LPIN1: variants seen among roughly 807,000 people sequenced by gnomAD.
LPIN1 encodes phosphatidate phosphatase LPIN1.
A neutral mutation model predicts 107.5 loss-of-function variants in LPIN1; 71 were observed. The ratio of observed to expected loss-of-function variants is 0.66; its 90% CI spans 0.55 to 0.80. The LOEUF (loss-of-function observed/expected upper bound fraction) is 0.80. LPIN1 is among the 30% of genes least tolerant of loss of function. The pLI is 0.00. For synonymous variants in LPIN1, 445 were observed against 452.6 expected (o/e 0.98, Z 0.21); for missense variants, 1,043 against 1,160.6 (o/e 0.90, Z 1.47).
intron 1 of LPIN1, among the ~76,000 whole-genome samples, chr2:11,763,538 C>A (rs1261048298): frequency 6.6e-6 from 1 of 152,192 alleles, no homozygotes; most frequent in Non-Finnish European, 1.5e-5. Flanking sequence ...ACCTCCTTTC[C>A]AGGCGGGGAA....
In LPIN1 at chr2:11,824,785, A is replaced by G. The variant is rs148940440; in HGVS notation, c.2775A>G (p.Ser925=). The G allele has an allele frequency of 1.1e-5, 17 of 1,614,104 alleles. No homozygotes were observed. Among genetic ancestry groups the G allele is most frequent in the Non-Finnish European group, 1.4e-5 (17 of 1,180,046 alleles). ...PFENQDIHSA[S]A ...AAAACCAGGACATTCATTCTGCCTC[A>G]GCGTAAAATGTCCCAAGCAGCCTCT... Residue 925 remains serine, a synonymous_variant, in exon 21 of 21, where the codon TCA becomes TCG. Coordinates refer to ENST00000674199, the MANE Select transcript of LPIN1 (RefSeq NM_001349206.2).
At chr2:11,686,641 G>A (rs1208857707) in intron 1 of LPIN1, among the ~76,000 whole-genome samples, 2 of 152,232 alleles carry the variant, frequency 1.3e-5, no homozygotes, top group African/African-American at 2.4e-5. Context: ...ACACACCCGC[G>A]GGAAAGAGCA....
chr2:11,681,045 C>A (rs900011105), intron 1 of LPIN1, among the ~76,000 whole-genome samples: 3 of 152,188 alleles, frequency 2.0e-5, no homozygotes, highest in East Asian at 3.8e-4. Flanking sequence ...AAGCAGATGG[C>A]CTGTGGTGAC....
chr2:11,706,481 T>C (rs1233882150), intron 1 of LPIN1, among the ~76,000 whole-genome samples: 2 of 152,240 alleles, frequency 1.3e-5, no homozygotes, highest in South Asian at 2.1e-4. Flanking sequence ...GTGGGCCCAA[T>C]GTCATTAGAT....
At position 11,784,667 on chromosome 2, in the gene LPIN1, C is replaced by T. The variant is rs576134594; in HGVS notation, c.1359-219C>T. ...TTCTTCAGTATATTTTAGGGGGATA[C>T]AGGGAGATGCAGCCAGCTGAGAAGT... On this transcript the variant is annotated intron_variant, in intron 9 of 20. Coordinates refer to ENST00000674199, the MANE Select transcript of LPIN1 (RefSeq NM_001349206.2). The T allele has an allele frequency of 5.6e-5, 35 of 627,230 alleles. No homozygotes were observed. The African/African-American group carries it at 6.0e-4, about 11-fold the overall frequency. 38.9% of individuals were successfully genotyped at this position (627,230 alleles called of 1,614,324 possible).
chr2:11,738,092 G>A (rs1288780876), intron 1 of LPIN1, among the ~76,000 whole-genome samples: 1 of 152,162 alleles, frequency 6.6e-6, no homozygotes, highest in Admixed American at 6.5e-5. Flanking sequence ...GTAGGGGCAT[G>A]GATGAAGCTG....
At chr2:11,719,961 T>C (rs936107791), upstream of LPIN1, among the ~76,000 whole-genome samples, 19 of 152,302 alleles carry the variant, frequency 1.2e-4, no homozygotes, top group Admixed American at 3.9e-4. Flanking sequence ...GAATGGTGCA[T>C]TTTGGTGTAT....
At position 11,771,557 on chromosome 2, in the gene LPIN1, G is replaced by T; in HGVS notation, c.474G>T (p.Arg158Ser). The T allele has an allele frequency of 6.2e-7, 1 of 1,614,056 alleles. No individual in the cohort carries two copies. Among genetic ancestry groups the T allele is most frequent in the South Asian group, 1.1e-5 (1 of 91,046 alleles). The change falls in exon 4 of 21, where the codon AGG (arginine) becomes AGT (serine). Residue 158 changes from arginine (R) to serine (S), a missense_variant. Transcript: ENST00000674199. This position sits in a 1 kb window ranked among gnomAD's most constrained non-coding sequence, Gnocchi z 4.8. ...SSSVVKKRRK[R>S]RRKSQLDSLK... The stretch of plus-strand genomic sequence containing the variant: ...CTGTAGTAAAGAAGAGAAGAAAAAG[G>T]AGGAGAAAGTCACAGCTGGACAGCC...
intron 12 of LPIN1, 58 bp from the exon 13 acceptor site, chr2:11,791,856 A>G: frequency 6.3e-7 from 1 of 1,594,894 alleles, no homozygotes; most frequent in South Asian, 1.1e-5. Flanking sequence ...TTTGGTTTGA[A>G]TGTGCTAAGT....
chr2:11,769,418 G>A lies in LPIN1; in HGVS notation c.288+1560G>A, dbSNP rs117369971. On this transcript the variant is annotated intron_variant, in intron 3 of 20. Transcript: ENST00000674199. ...AGTTTGTGTGTGTGTGTGTATGTGT[G>A]TGTTGTTTTTCTTTTTTACTGCTGC... Among the ~76,000 whole-genome samples, 36 of 152,236 alleles carry A rather than the reference G, an allele frequency of 2.4e-4. No individual in the cohort carries two copies. In the East Asian group the frequency reaches 5.6e-3, roughly 24 times the overall value.
At chr2:11,691,217 G>A (rs952283623) in intron 1 of LPIN1, among the ~76,000 whole-genome samples, 5 of 151,830 alleles carry the variant, frequency 3.3e-5, no homozygotes, top group African/African-American at 1.2e-4. Flanking sequence ...CCCAGGTCCG[G>A]GGGCACAGTC....
At chr2:11,718,060 T>C (rs540506076) in intron 2 of LPIN1, among the ~76,000 whole-genome samples, 1 of 152,254 alleles carries the variant, frequency 6.6e-6, no homozygotes, top group South Asian at 2.1e-4. Context: ...CCAGGAGATC[T>C]CTCTCTTCCT....
chr2:11,809,859 CGGG>C (rs1027102117), intron 17 of LPIN1, among the ~76,000 whole-genome samples: 3 of 152,286 alleles, frequency 2.0e-5, no homozygotes, highest in African/African-American at 7.2e-5. Flanking sequence ...GATCAGGAGT[CGGG>C]CCAGGATCCC....
intron 1 of LPIN1, among the ~76,000 whole-genome samples, chr2:11,691,862 T>C (rs770841444): frequency 3.3e-5 from 5 of 152,244 alleles, no homozygotes; most frequent in Non-Finnish European, 7.3e-5. Context: ...TGATACACTA[T>C]TACCCAACCC....
upstream of LPIN1, chr2:11,722,522 A>G (rs2148535325): frequency 6.6e-6 from 1 of 152,316 alleles, no homozygotes; most frequent in South Asian, 2.1e-4. Flanking sequence ...CCTGCAGAGA[A>G]GCCCAGGGGA....
At chr2:11,696,571 G>T (rs1404066623) in intron 1 of LPIN1, among the ~76,000 whole-genome samples, 1 of 152,158 alleles carries the variant, frequency 6.6e-6, no homozygotes, top group Admixed American at 6.5e-5. Flanking sequence ...ATTGGGTCCC[G>T]GTCAGAAGTG....
chr2:11,700,818 GCT>G (rs1662834288), intron 1 of LPIN1, among the ~76,000 whole-genome samples: 2 of 152,262 alleles, frequency 1.3e-5, no homozygotes, highest in South Asian at 4.1e-4. Flanking sequence ...ATTCGTCCTC[GCT>G]CTGTGGCAGC....
At chr2:11,756,942 A>C (rs1668778305) in intron 1 of LPIN1, among the ~76,000 whole-genome samples, 1 of 152,232 alleles carries the variant, frequency 6.6e-6, no homozygotes, top group Admixed American at 6.5e-5. Context: ...ACATTGAAAA[A>C]ACTTACATGT....
At chr2:11,744,665 T>G (rs1302892055), upstream of LPIN1, among the ~76,000 whole-genome samples, 1 of 152,206 alleles carries the variant, frequency 6.6e-6, no homozygotes, top group African/African-American at 2.4e-5. Flanking sequence ...AAAAATAAAC[T>G]TAAGTGGCCT....
Sources: allele counts gnomAD v4.1 joint callset (sites outside exome capture counted in the v4.1 genomes callset), GRCh38; gene constraint gnomAD v4.1.1; non-coding constraint Gnocchi (gnomAD v3.1); transcripts MANE v1.5; gene names NCBI Gene and HGNC (gene_info 2026-07-23, HGNC 2026-07-21).